The following TMEFF2 variants were observed in gnomAD, a reference collection of about 807,000 sequenced individuals.
TMEFF2 encodes tomoregulin-2.
In TMEFF2, 28 loss-of-function variants were observed where a neutral mutation model predicts 53.8. The ratio of observed to expected loss-of-function variants is 0.52; its 90% CI spans 0.39 to 0.71. TMEFF2 has a LOEUF of 0.71. TMEFF2 is among the 30% of genes least tolerant of loss of function. TMEFF2 has a pLI of 0.00. For missense variants in TMEFF2, 353 were observed against 455.2 expected (o/e 0.78, Z 2.04); for synonymous variants, 162 against 166.3 (o/e 0.97, Z 0.20).
At chr2:192,134,052 G>A (rs1689932869) in intron 4 of TMEFF2, among the ~76,000 whole-genome samples, 1 of 152,296 alleles carries the variant, frequency 6.6e-6, no homozygotes, top group East Asian at 1.9e-4. Flanking sequence ...TAGCCATCAT[G>A]TCTGCGTGCA....
At chr2:192,057,079 T>C (rs1399214372) in intron 5 of TMEFF2, among the ~76,000 whole-genome samples, 1 of 152,244 alleles carries the variant, frequency 6.6e-6, no homozygotes. Flanking sequence ...AGTCTCACTC[T>C]GTGGCCCAGG....
chr2:192,106,745 G>A (rs1368692105), intron 4 of TMEFF2, among the ~76,000 whole-genome samples: 1 of 151,726 alleles, frequency 6.6e-6, no homozygotes, highest in Admixed American at 6.6e-5. Flanking sequence ...TCCCCATGGA[G>A]CTCACAAATA....
chr2:192,119,680 T>C (rs539792060), intron 4 of TMEFF2, among the ~76,000 whole-genome samples: 5 of 152,322 alleles, frequency 3.3e-5, no homozygotes, highest in African/African-American at 1.2e-4. Flanking sequence ...TGTGTGAGAA[T>C]GGAGGTTTCA....
intron 7 of TMEFF2, among the ~76,000 whole-genome samples, chr2:191,993,037 A>C (rs1430037749): frequency 2.6e-5 from 4 of 151,964 alleles, no homozygotes; most frequent in Non-Finnish European, 5.9e-5. Flanking sequence ...CTTTTTATTT[A>C]ATCTCCCTGA....
At position 192,194,505 on chromosome 2, in the gene TMEFF2, G is replaced by C; in HGVS notation, c.20C>G (p.Pro7Arg). 1 of 1,613,578 alleles carries C rather than the reference G, an allele frequency of 6.2e-7. No individual in the cohort carries two copies. The highest frequency in any genetic ancestry group is 1.7e-5 in the Admixed American group (1 of 60,012). The change falls in exon 1 of 10, where the codon CCG becomes CGG. Residue 7 changes from proline (P) to arginine (R), a missense_variant. This residue lies in a region of TMEFF2 where 54 missense variants were observed against 41.8 expected (regional missense o/e 1.29). Coordinates refer to ENST00000272771, the MANE Select transcript of TMEFF2 (RefSeq NM_016192.4). The surrounding 1 kb of genome is among the most constrained non-coding windows in gnomAD (Gnocchi z 4.2). The part of the protein sequence containing the change: MVLWES[P>R]RQCSSWTLCE... ...AAGTGTCCAGCTGCTGCACTGCCGC[G>C]GGGACTCCCACAGCACCATGACTAG...
intron 7 of TMEFF2, among the ~76,000 whole-genome samples, chr2:191,993,671 A>G (rs554430126): frequency 1.3e-5 from 2 of 152,080 alleles, no homozygotes; most frequent in South Asian, 2.1e-4. Flanking sequence ...ATTTTTTCCA[A>G]TTTGGAAAAT....
At chr2:192,157,620 C>T (rs186679517) in intron 4 of TMEFF2, among the ~76,000 whole-genome samples, 1 of 151,916 alleles carries the variant, frequency 6.6e-6, no homozygotes, top group Non-Finnish European at 1.5e-5. Context: ...CAAGACATCA[C>T]TTTGACACCA....
At chr2:192,161,435 G>A (rs944643193) in intron 4 of TMEFF2, among the ~76,000 whole-genome samples, 7 of 152,144 alleles carry the variant, frequency 4.6e-5, no homozygotes, top group Admixed American at 6.5e-5. Context: ...TTACAGGCAT[G>A]AGCCACCTCA....
rs191911674 is a variant in TMEFF2, at chr2:192,007,942, T to C, written c.537-8734A>G. 2.8e-3 allele frequency among the ~76,000 whole-genome samples: 432 copies of C among 152,296 alleles called. 8 individuals are homozygous for C. The highest frequency in any genetic ancestry group is 0.026 in the South Asian group (125 of 4,826). ...TCACCCCATGTCCTTCCTGCTCTAC[T>C]CTTTCCTGCTTTTTTCCTGATCTGT... is the stretch of plus-strand genomic sequence containing the variant. On this transcript the variant is annotated intron_variant, in intron 5 of 9. Transcript: ENST00000272771.
intron 7 of TMEFF2, among the ~76,000 whole-genome samples, chr2:191,981,170 G>A (rs1239559467): frequency 1.3e-5 from 2 of 152,032 alleles, no homozygotes; most frequent in African/African-American, 4.8e-5. Flanking sequence ...TATTGCAAAT[G>A]AGGAAAGAGA....
rs78843451 is a variant in TMEFF2, at chr2:192,057,533, C to T, written c.536+146G>A. On this transcript the variant is annotated intron_variant, in intron 5 of 9. Coordinates refer to ENST00000272771, the MANE Select transcript of TMEFF2 (RefSeq NM_016192.4). ...CCTCTTAATCCAGTTCCAGAAATTC[C>T]TTGCCCTCATTTTTTTTTTCACTTG... 6.9e-5 allele frequency: 51 copies of T among 739,156 alleles called. No homozygotes were observed. In the East Asian group the frequency reaches 1.1e-3, roughly 16 times the overall value. 45.8% of individuals were successfully genotyped at this position (739,156 alleles called of 1,614,324 possible).
rs149067350 is a variant in TMEFF2 at position 191,999,068 on chromosome 2, C to T, written c.677G>A (p.Arg226Gln). 14 of 1,608,140 alleles carry T rather than the reference C, an allele frequency of 8.7e-6. No individual in the cohort carries two copies. In the African/African-American group the frequency reaches 1.3e-4, roughly 15 times the overall value. ...TTTGGTATGAACATTACCTTGACAT[C>T]GACCCAAAGACATGACTTCAATTTT... The part of the protein sequence containing the change: ...QEKIEVMSLG[R>Q]CQDNTTTTTK... Residue 226 changes from arginine (R) to glutamine (Q), a missense_variant, in exon 6 of 10, where the codon CGA becomes CAA. Coordinates refer to ENST00000272771, the MANE Select transcript of TMEFF2 (RefSeq NM_016192.4).
rs116189162 is a variant in TMEFF2, at chr2:192,101,085, A to C, written c.440-43310T>G. ...ACAGAGCATTGCAAACTGGATTTCCATATCACATTATAGTTCATGGGATGT... is the reference window on the plus strand; with the variant it reads ...ACAGAGCATTGCAAACTGGATTTCCCTATCACATTATAGTTCATGGGATGT... On this transcript the variant is annotated intron_variant, in intron 4 of 9. Transcript: ENST00000272771. Among the ~76,000 whole-genome samples, 1,002 of 152,270 alleles carry C rather than the reference A, an allele frequency of 6.6e-3. 9 individuals are homozygous for C. Among genetic ancestry groups the C allele is most frequent in the Non-Finnish European group, 9.9e-3 (670 of 68,020 alleles).
At chr2:192,078,508 T>G (rs1487416535) in intron 4 of TMEFF2, among the ~76,000 whole-genome samples, 1 of 152,176 alleles carries the variant, frequency 6.6e-6, no homozygotes, top group Non-Finnish European at 1.5e-5. Context: ...AGAGTAAGAA[T>G]TTTTACTGTG....
At position 192,068,248 on chromosome 2, in the gene TMEFF2, G is replaced by A. The variant is rs1040328794; in HGVS notation, c.440-10473C>T. On this transcript the variant is annotated intron_variant, in intron 4 of 9. Transcript: ENST00000272771. ...GCGTTATCATTAAGAAAGTGTTAAA[G>A]GTGAAGGAAAGTCATTCTCTTATTC... Among the ~76,000 whole-genome samples, 6 of 151,976 alleles carry A rather than the reference G, an allele frequency of 3.9e-5. No individual in the cohort carries two copies. In the East Asian group the frequency reaches 1.2e-3, roughly 29 times the overall value.
At chr2:192,130,140 TAAGG>T (rs923027156) in intron 4 of TMEFF2, among the ~76,000 whole-genome samples, 21 of 152,174 alleles carry the variant, frequency 1.4e-4, no homozygotes, top group Admixed American at 6.5e-5. Context: ...TCTAGTGAAA[TAAGG>T]AATTAAACAG....
At chr2:191,971,104 C>T (rs1221242366) in intron 7 of TMEFF2, among the ~76,000 whole-genome samples, 2 of 152,158 alleles carry the variant, frequency 1.3e-5, no homozygotes, top group East Asian at 3.9e-4. Flanking sequence ...AACTGGAGTG[C>T]AAAAAACTAC....
intron 7 of TMEFF2, among the ~76,000 whole-genome samples, chr2:191,976,170 T>G (rs1470431758): frequency 6.6e-6 from 1 of 152,204 alleles, no homozygotes; most frequent in Non-Finnish European, 1.5e-5. Context: ...TAAAAGCCAG[T>G]GCCTCTGCCT....
chr2:191,999,363 A>C (rs1253947744), intron 5 of TMEFF2, among the ~76,000 whole-genome samples, 155 bp from the exon 6 acceptor site: 1 of 152,040 alleles, frequency 6.6e-6, no homozygotes, highest in Non-Finnish European at 1.5e-5. Flanking sequence ...TTTCTAACTG[A>C]GAAGAAAAGA....
Sources: allele counts gnomAD v4.1 joint callset (sites outside exome capture counted in the v4.1 genomes callset), GRCh38; gene constraint gnomAD v4.1.1; regional missense constraint gnomAD v4.1.1; non-coding constraint Gnocchi (gnomAD v3.1); transcripts MANE v1.5; gene names NCBI Gene and HGNC (gene_info 2026-07-23, HGNC 2026-07-21).